The following PRKRA variants were observed in gnomAD, a reference collection of about 807,000 sequenced individuals.
PRKRA encodes the protein interferon-inducible double-stranded RNA-dependent protein kinase activator A.
In PRKRA, 22 loss-of-function variants were observed where a neutral mutation model predicts 32.4. The observed-to-expected ratio is 0.68, with a 90% CI of 0.49 to 0.97. The LOEUF (loss-of-function observed/expected upper bound fraction) is 0.97, where lower values mean the gene tolerates loss of function less well. Among genes scored for constraint, PRKRA ranks in the 50% least tolerant of loss-of-function variants. The pLI is 0.00. For synonymous variants in PRKRA, 139 were observed against 129.8 expected, an observed-to-expected ratio of 1.07 and a Z score of -0.48; for missense variants, 319 against 375.6, an observed-to-expected ratio of 0.85 and a Z score of 1.25.
At chr2:178,443,174 A>C (rs1049328347) in intron 5 of PRKRA, 93 bp downstream of exon 5, 13 of 961,738 alleles carry the variant, frequency 1.4e-5, no homozygotes, top group Admixed American at 9.0e-5. Context: ...ATTTTTCTGC[A>C]TAGAAATATT....
rs1192801986 is a variant in PRKRA at position 178,441,625 on chromosome 2, C to G, written c.594G>C (p.Glu198Asp). 1 of 1,602,232 alleles carries G rather than the reference C, an allele frequency of 6.2e-7. No individual in the cohort carries two copies. Among genetic ancestry groups the G allele is most frequent in the Non-Finnish European group, 8.5e-7 (1 of 1,169,592 alleles). The change falls in exon 6 of 8, where the codon GAG (glutamate) becomes GAC (aspartate). Residue 198 changes from glutamate to aspartate, a missense_variant. Transcript: ENST00000325748. ...CATTACTCACTAAAGAAATGTGGTT[C>G]TCTGGAGAAATATTACTAAATTTGG... ...FLAKFSNISP[E>D]NHISLTNVVG... is the part of the protein sequence containing the mutation.
chr2:178,446,904 A>G (rs1012291866), intron 3 of PRKRA, among the ~76,000 whole-genome samples: 6 of 149,378 alleles, frequency 4.0e-5, no homozygotes, highest in Non-Finnish European at 8.9e-5. Context: ...GAGGCAGGAG[A>G]ATGGCGTGAA....
At chr2:178,444,558 A>G in intron 3 of PRKRA, 58 bp from the exon 4 acceptor site, 1 of 1,032,984 alleles carries the variant, frequency 9.7e-7, no homozygotes, top group East Asian at 4.7e-5. Flanking sequence ...TTATGAAATA[A>G]ATGACAAGCA....
At chr2:178,445,322 T>C (rs144297360) in intron 3 of PRKRA, 2 of 152,236 alleles carry the variant, frequency 1.3e-5, no homozygotes, top group Non-Finnish European at 2.9e-5. Flanking sequence ...CATTTTTCCA[T>C]GACAAATGAG....
At chr2:178,435,645 G>A (rs1013459236) in intron 7 of PRKRA, among the ~76,000 whole-genome samples, 10 of 152,168 alleles carry the variant, frequency 6.6e-5, no homozygotes, top group African/African-American at 2.2e-4. Flanking sequence ...CCACAAACTT[G>A]TACTTGTGCT....
chr2:178,437,313 CCT>C (rs1473597122), intron 6 of PRKRA, among the ~76,000 whole-genome samples: 1 of 152,138 alleles, frequency 6.6e-6, no homozygotes, highest in Non-Finnish European at 1.5e-5. Context: ...TCCCTGAAGA[CCT>C]CTGTTCTATT....
rs1378467013 is a variant in PRKRA, at chr2:178,431,901, A to G, written c.*196T>C. The G allele has an allele frequency of 1.5e-6, 1 of 681,884 alleles. No homozygotes were observed. Among genetic ancestry groups the G allele is most frequent in the East Asian group, 2.8e-5 (1 of 35,964 alleles). 42.2% of individuals were successfully genotyped at this position (681,884 alleles called of 1,614,324 possible). ...GTGGTACAAAGTTTATAAATACAGTATACTGATACAAAGTTGAAGCCATTA... is the reference window on the plus strand; with the variant it reads ...GTGGTACAAAGTTTATAAATACAGTGTACTGATACAAAGTTGAAGCCATTA... On this transcript the variant is annotated 3_prime_UTR_variant, in exon 8 of 8. Coordinates refer to ENST00000325748, the MANE Select transcript of PRKRA (RefSeq NM_003690.5).
At chr2:178,450,218 T>C in intron 2 of PRKRA, 24 bp downstream of exon 2, 2 of 803,328 alleles carry the variant, frequency 2.5e-6, no homozygotes, top group Non-Finnish European at 3.6e-6. Context: ...CACTCGGTCA[T>C]CCAGGTTAAC....
chr2:178,447,253 C>A, intron 3 of PRKRA: 1 of 445,418 alleles, frequency 2.2e-6, no homozygotes. Flanking sequence ...TGATTTTCTA[C>A]TGTTGTATCC....
intron 1 of PRKRA, 32 bp from the exon 2 acceptor site, chr2:178,450,443 T>A: frequency 9.5e-7 from 1 of 1,048,440 alleles, no homozygotes; most frequent in Non-Finnish European, 1.3e-6. Context: ...GTGCTTTGCA[T>A]GCCAAATTGG....
chr2:178,446,372 G>C (rs1347165702), intron 3 of PRKRA, among the ~76,000 whole-genome samples: 1 of 152,220 alleles, frequency 6.6e-6, no homozygotes, highest in Non-Finnish European at 1.5e-5. Context: ...CTTGTGAAAT[G>C]CAAGGCTTGT....
chr2:178,440,065 T>C (rs1697056859), intron 6 of PRKRA: 1 of 152,180 alleles, frequency 6.6e-6, no homozygotes, highest in Non-Finnish European at 1.5e-5. Flanking sequence ...TATCTATACA[T>C]TGCCTGAAAA....
In PRKRA at chr2:178,442,052, A is replaced by C. The variant is rs1575094295; in HGVS notation, c.515-348T>G. Among the ~76,000 whole-genome samples the C allele has an allele frequency of 4.6e-5, 7 of 151,956 alleles. No individual in the cohort carries two copies. In the South Asian group the frequency reaches 1.5e-3, roughly 32 times the overall value. ...AGGTGCCCACCACCACACCTGGCTG[A>C]TTTTTTGTATTTAGTACAGACAGGG... On this transcript the variant is annotated intron_variant, in intron 5 of 7. Transcript: ENST00000325748.
rs1430520468 is a variant in PRKRA at position 178,431,541 on chromosome 2, G to A, written c.*556C>T. 3.8e-5 allele frequency: 6 copies of A among 158,028 alleles called. No homozygotes were observed. Among genetic ancestry groups the A allele is most frequent in the African/African-American group, 1.2e-4 (5 of 41,462 alleles). 9.8% of individuals were successfully genotyped at this position (158,028 alleles called of 1,614,324 possible). A position where few individuals can be genotyped will look rare whatever the true frequency, so the allele number is the denominator to read the frequency against. On this transcript the variant is annotated 3_prime_UTR_variant, in exon 8 of 8. Coordinates refer to ENST00000325748, the MANE Select transcript of PRKRA (RefSeq NM_003690.5). ...TTATTCACAATGGCTAACAAGAACA[G>A]GATGACAGTCAAGTCAGTAGCTTTT...
chr2:178,437,703 C>T (rs1696955098), intron 6 of PRKRA, among the ~76,000 whole-genome samples: 1 of 152,200 alleles, frequency 6.6e-6, no homozygotes, highest in South Asian at 2.1e-4. Context: ...CTTGTTTTCT[C>T]ATACCCTCAC....
chr2:178,435,115 G>A (rs2154124670), intron 7 of PRKRA, among the ~76,000 whole-genome samples: 1 of 152,126 alleles, frequency 6.6e-6, no homozygotes, highest in African/African-American at 2.4e-5. Context: ...TACTCAGGAG[G>A]CTGAGGCAGG....
rs937386904 is a variant in PRKRA, at chr2:178,450,946, C to T, written c.65+20G>A. ...GCCCAACGCTCCCGGCCCTGGGGCCCTGACTGCCCGCACGCTGACCTGAAG... is the reference window on the plus strand; with the variant it reads ...GCCCAACGCTCCCGGCCCTGGGGCCTTGACTGCCCGCACGCTGACCTGAAG... On this transcript the variant is annotated intron_variant, in intron 1 of 7. Coordinates refer to ENST00000325748, the MANE Select transcript of PRKRA (RefSeq NM_003690.5). 16 of 1,557,234 alleles carry T rather than the reference C, an allele frequency of 1.0e-5. No homozygotes were observed. Among genetic ancestry groups the T allele is most frequent in the Admixed American group, 1.8e-5 (1 of 55,306 alleles).
intron 3 of PRKRA, 87 bp from the exon 4 acceptor site, chr2:178,444,587 A>G: frequency 1.2e-6 from 1 of 802,882 alleles, no homozygotes; most frequent in Non-Finnish European, 1.8e-6. Context: ...TTAACTCTCT[A>G]TGTCTTTGCT....
intron 3 of PRKRA, among the ~76,000 whole-genome samples, chr2:178,446,735 A>G (rs1281623441): frequency 6.6e-6 from 1 of 152,142 alleles, no homozygotes; most frequent in Non-Finnish European, 1.5e-5. Context: ...GTAGTAAAAA[A>G]TCTATCCCAG....
Sources: gnomAD v4.1 joint callset for allele counts (sites outside exome capture counted in the v4.1 genomes callset) on GRCh38, gnomAD v4.1.1 for gene constraint, MANE v1.5 for transcripts, NCBI Gene and HGNC (gene_info 2026-07-23, HGNC 2026-07-21) for gene names.